The following HSPA12A variants were observed in gnomAD, a reference collection of about 807,000 sequenced individuals.
HSPA12A encodes heat shock 70 kDa protein 12A.
Under a neutral mutation model 69.2 loss-of-function variants are expected in HSPA12A, and 28 were observed. The ratio of observed to expected loss-of-function variants is 0.40; its 90% CI spans 0.30 to 0.55. HSPA12A has a LOEUF of 0.55. Ranked by LOEUF, HSPA12A falls within the 20% of genes least tolerant of loss-of-function variation. HSPA12A has a pLI of 0.38. For missense variants in HSPA12A, 686 were observed against 900.7 expected (o/e 0.76, Z 3.05); for synonymous variants, 345 against 370.5 (o/e 0.93, Z 0.79).
intron 1 of HSPA12A, among the ~76,000 whole-genome samples, chr10:116,847,770 T>C (rs1845918851): frequency 1.3e-5 from 2 of 152,198 alleles, no homozygotes. Flanking sequence ...CTCCTGGAAC[T>C]GAGGCAAATG....
chr10:116,704,762 G>A (rs1359382947), intron 3 of HSPA12A, among the ~76,000 whole-genome samples: 1 of 152,162 alleles, frequency 6.6e-6, no homozygotes, highest in Non-Finnish European at 1.5e-5. Flanking sequence ...CACAGATGAG[G>A]AAACTGGGGT....
chr10:116,849,811 G>C, upstream of HSPA12A: 1 of 1,416,796 alleles, frequency 7.1e-7, no homozygotes, highest in Non-Finnish European at 9.4e-7. Flanking sequence ...TTGCGCCTGC[G>C]CCTGCGCCTC....
chr10:116,766,372 A>C (rs1222395298), intron 2 of HSPA12A, among the ~76,000 whole-genome samples: 1 of 152,066 alleles, frequency 6.6e-6, no homozygotes, highest in East Asian at 1.9e-4. Flanking sequence ...CTGGGAGCAA[A>C]GTGGCTACTG....
chr10:116,690,772 C>G (rs1849711814), intron 6 of HSPA12A, among the ~76,000 whole-genome samples: 1 of 152,054 alleles, frequency 6.6e-6, no homozygotes, highest in African/African-American at 2.4e-5. Context: ...TCAAACTCCC[C>G]TGACAGATTC....
Position 116,705,879 on chromosome 10 carries a change from C to G in HSPA12A, c.127-601G>C, listed in dbSNP as rs149725973. The stretch of plus-strand genomic sequence containing the variant: ...GGTCAGGCTATTTCAGGTTTCCAAG[C>G]CTTTCTCTCTCTCCTTTTTTTTTTT... On this transcript the variant is annotated intron_variant, in intron 2 of 11. Transcript: ENST00000369209. Among the ~76,000 whole-genome samples the G allele has an allele frequency of 2.5e-3, 384 of 151,050 alleles. 2 individuals are homozygous for G. Among genetic ancestry groups the G allele is most frequent in the African/African-American group, 8.8e-3 (363 of 41,100 alleles).
intron 5 of HSPA12A, among the ~76,000 whole-genome samples, chr10:116,693,435 C>T (rs1189217338): frequency 6.6e-6 from 1 of 152,170 alleles, no homozygotes; most frequent in South Asian, 2.1e-4. Context: ...TAACTCACAG[C>T]ATTGCTGGCG....
chr10:116,791,804 G>A (rs77932246), intron 2 of HSPA12A, among the ~76,000 whole-genome samples: 6,438 of 151,808 alleles, frequency 0.042, 366 homozygotes, highest in African/African-American at 0.12. Flanking sequence ...CCTCTTCCAC[G>A]GGCATGTGGT....
intron 6 of HSPA12A, among the ~76,000 whole-genome samples, chr10:116,684,948 C>A (rs1849532290): frequency 6.6e-6 from 1 of 152,200 alleles, no homozygotes; most frequent in Non-Finnish European, 1.5e-5. Context: ...GGCCTCTAAC[C>A]AGGTCCCTGG....
intron 1 of HSPA12A, among the ~76,000 whole-genome samples, chr10:116,740,972 A>T (rs916350379): frequency 2.9e-4 from 43 of 150,092 alleles, no homozygotes; most frequent in African/African-American, 1.0e-3. Flanking sequence ...AAAAAAAAAA[A>T]AAAAAAAAAA....
chr10:116,818,429 G>C (rs1042028023), intron 2 of HSPA12A, among the ~76,000 whole-genome samples: 2 of 151,838 alleles, frequency 1.3e-5, no homozygotes, highest in African/African-American at 4.8e-5. Flanking sequence ...ATGTATGGAA[G>C]GGGGACACAG....
intron 2 of HSPA12A, among the ~76,000 whole-genome samples, chr10:116,780,721 A>G (rs1213555698): frequency 1.3e-5 from 2 of 152,214 alleles, no homozygotes; most frequent in Admixed American, 6.5e-5. Context: ...AAAACATTGA[A>G]TAACAAGGAT....
chr10:116,751,475 G>C (rs1262059547), intron 2 of HSPA12A, among the ~76,000 whole-genome samples: 7 of 152,142 alleles, frequency 4.6e-5, no homozygotes, highest in African/African-American at 1.7e-4. Context: ...TAACATCTTA[G>C]ATTTCCATTA....
chr10:116,730,916 A>G (rs1236289033), intron 1 of HSPA12A, among the ~76,000 whole-genome samples: 1 of 152,264 alleles, frequency 6.6e-6, no homozygotes, highest in African/African-American at 2.4e-5. Flanking sequence ...GACCAGGTCC[A>G]ACATGGTTCC....
chr10:116,805,589 G>T (rs1219452910), intron 2 of HSPA12A, among the ~76,000 whole-genome samples: 2 of 152,020 alleles, frequency 1.3e-5, no homozygotes, highest in Non-Finnish European at 2.9e-5. Flanking sequence ...TTGGGCGGGG[G>T]GGTACTGACT....
At chr10:116,713,096 C>A (rs1439177928) in intron 1 of HSPA12A, among the ~76,000 whole-genome samples, 4 of 126,592 alleles carry the variant, frequency 3.2e-5, no homozygotes, top group Non-Finnish European at 3.4e-5. Flanking sequence ...AAAAAAAAAA[C>A]CTCTCTCTCT....
chr10:116,818,600 G>A lies in HSPA12A; in HGVS notation c.91+16335C>T, dbSNP rs959269953. Among the ~76,000 whole-genome samples, 7 of 152,252 alleles carry A rather than the reference G, an allele frequency of 4.6e-5. No individual in the cohort carries two copies. The East Asian group carries it at 1.4e-3, about 30-fold the overall frequency. On this transcript the variant is annotated intron_variant, in intron 2 of 12. Transcript: ENST00000635765. ...GCTTGATGCAAACTGTAATGGCAGT[G>A]ACGTATGGAAGGGGGACACAGTTAC...
At chr10:116,715,970 G>A (rs1229476432) in intron 1 of HSPA12A, among the ~76,000 whole-genome samples, 1 of 152,212 alleles carries the variant, frequency 6.6e-6, no homozygotes, top group East Asian at 1.9e-4. Flanking sequence ...AGAGCAGTCA[G>A]AATTTCAGCA....
chr10:116,731,797 T>G (rs1554885781), intron 1 of HSPA12A, among the ~76,000 whole-genome samples: 1 of 152,222 alleles, frequency 6.6e-6, no homozygotes, highest in African/African-American at 2.4e-5. Context: ...ACCCTTCTTC[T>G]GGCCAGGGTT....
At chr10:116,697,928 C>A (rs2901120) in intron 5 of HSPA12A, among the ~76,000 whole-genome samples, 29 of 151,746 alleles carry the variant, frequency 1.9e-4, no homozygotes, top group Non-Finnish European at 3.1e-4. Context: ...GAATCACATG[C>A]TATGTGGCTA....
Sources: allele counts gnomAD v4.1 joint callset (sites outside exome capture counted in the v4.1 genomes callset), GRCh38; gene constraint gnomAD v4.1.1; transcripts MANE v1.5; gene names NCBI Gene and HGNC (gene_info 2026-07-23, HGNC 2026-07-21).